Variants in VPS13D observed in about 807,000 individuals in gnomAD.
The protein encoded by VPS13D is intermembrane lipid transfer protein VPS13D.
Under a neutral mutation model 461.9 loss-of-function variants are expected in VPS13D, and 187 were observed. The observed-to-expected ratio is 0.40, with a 90% CI of 0.36 to 0.46. VPS13D has a LOEUF of 0.46. Among genes scored for constraint, VPS13D ranks in the 20% least tolerant of loss-of-function variants. The pLI is 0.60. For synonymous variants in VPS13D, 1,951 were observed against 1,986.3 expected, an observed-to-expected ratio of 0.98 and a Z score of 0.47; for missense variants, 4,711 against 5,364.9, an observed-to-expected ratio of 0.88 and a Z score of 3.81.
rs1482588143 is a variant in VPS13D at position 12,283,475 on chromosome 1, G to C, written c.5373G>C (p.Leu1791Phe). Residue 1791 changes from leucine (L) to phenylalanine (F), a missense_variant, in exon 21 of 70, where the codon TTG becomes TTC. Physicochemically the swap from Leu to Phe is conservative, Grantham distance 22. Around this residue, in one of 3 missense-constraint regions of VPS13D, gnomAD observed 4,411 missense variants for 4,937.8 expected, o/e 0.89. Transcript: ENST00000620676. Reference protein sequence around the residue: ...DDSLVHINIFLVDKKHPEFSS... With the variant: ...DDSLVHINIFFVDKKHPEFSS... ...CCTTAGTCCACATCAACATATTCTT[G>C]GTAGATAAGAAACATCCAGAATTCT... The C allele has an allele frequency of 1.2e-6, 2 of 1,614,062 alleles. No homozygotes were observed. The highest frequency in any genetic ancestry group is 4.5e-5 in the East Asian group (2 of 44,890).
intron 8 of VPS13D, 135 bp downstream of exon 8, chr1:12,256,638 G>A (rs976496016): frequency 7.9e-5 from 76 of 967,864 alleles, no homozygotes; most frequent in Non-Finnish European, 1.1e-4. Context: ...AGTTGTGTTA[G>A]GTATAAAACT....
chr1:12,399,324 G>T (rs1644542474), intron 60 of VPS13D, among the ~76,000 whole-genome samples: 4 of 151,230 alleles, frequency 2.6e-5, no homozygotes, highest in Admixed American at 2.6e-4. Context: ...AGCCTCCTGA[G>T]TAGCTGGGAT....
At position 12,386,432 on chromosome 1, in the gene VPS13D, A is replaced by T. The variant is rs961201078; in HGVS notation, c.11634+98A>T. The T allele has an allele frequency of 6.7e-6, 9 of 1,353,324 alleles. No homozygotes were observed. In the African/African-American group the frequency reaches 1.3e-4, roughly 20 times the overall value. The allele number at this position is 1,353,324 out of a possible 1,614,324, so 83.8% of individuals were successfully genotyped here. A position where few individuals can be genotyped will look rare whatever the true frequency, so the allele number is the denominator to read the frequency against. On this transcript the variant is annotated intron_variant, in intron 60 of 69. Coordinates refer to ENST00000620676, the MANE Select transcript of VPS13D (RefSeq NM_015378.4). ...TGTTCTAAGAACTTTAATGTTTTGG[A>T]GGAAATATCTTGTGGCCTTCAAAAA... is the stretch of plus-strand genomic sequence containing the variant.
At chr1:12,425,696 G>C (rs992903866) in intron 65 of VPS13D, among the ~76,000 whole-genome samples, 1 of 143,244 alleles carries the variant, frequency 7.0e-6, no homozygotes, top group Non-Finnish European at 1.5e-5. Flanking sequence ...AGGAAGGAAG[G>C]AAGGAAGGGA....
At chr1:12,296,352 T>C (rs1048650259) in intron 24 of VPS13D, among the ~76,000 whole-genome samples, 2 of 152,268 alleles carry the variant, frequency 1.3e-5, no homozygotes, top group African/African-American at 4.8e-5. Context: ...TTTTATTTGA[T>C]ATAAAATGAT....
chr1:12,369,911 G>C (rs1557738063), intron 54 of VPS13D, among the ~76,000 whole-genome samples: 1 of 152,150 alleles, frequency 6.6e-6, no homozygotes, highest in Non-Finnish European at 1.5e-5. Context: ...AAAGAGTCAA[G>C]ACCCTTCTTG....
chr1:12,255,882 T>TC (rs1640904727), intron 7 of VPS13D, among the ~76,000 whole-genome samples: 1 of 138,424 alleles, frequency 7.2e-6, no homozygotes. Flanking sequence ...AGAGCAAGAC[T>TC]CGTCTCAAAA....
chr1:12,457,556 C>G (rs1381488278), intron 66 of VPS13D, among the ~76,000 whole-genome samples: 2 of 152,218 alleles, frequency 1.3e-5, no homozygotes, highest in Non-Finnish European at 2.9e-5. Context: ...AAATTAAACT[C>G]TTTGTACCAG....
intron 63 of VPS13D, among the ~76,000 whole-genome samples, chr1:12,411,063 A>T (rs1410963800): frequency 6.6e-6 from 1 of 152,248 alleles, no homozygotes. Flanking sequence ...GATACCCATT[A>T]TCACCACTTC....
chr1:12,421,925 G>T (rs948871633), intron 65 of VPS13D, among the ~76,000 whole-genome samples: 3 of 152,050 alleles, frequency 2.0e-5, no homozygotes, highest in African/African-American at 7.2e-5. Context: ...GGGTTCAAGC[G>T]ATCCTCCCAC....
chr1:12,267,745 G>A lies in VPS13D; in HGVS notation c.1726-100G>A, dbSNP rs1641315816. 7 of 1,040,436 alleles carry A rather than the reference G, an allele frequency of 6.7e-6. No individual in the cohort carries two copies. In the South Asian group the frequency reaches 9.0e-5, roughly 13 times the overall value. 64.5% of individuals were successfully genotyped at this position (1,040,436 alleles called of 1,614,324 possible). On this transcript the variant is annotated intron_variant, in intron 14 of 69. Coordinates refer to ENST00000620676, the MANE Select transcript of VPS13D (RefSeq NM_015378.4). ...AGGTAAAGTGAGTTTTGATTTGATG[G>A]TGCTAAGGGAGTGTGTTGCTGAAGG... is the stretch of plus-strand genomic sequence containing the variant.
chr1:12,459,482 C>CTTTTTTTT (rs869264869), intron 66 of VPS13D, among the ~76,000 whole-genome samples: 2 of 131,356 alleles, frequency 1.5e-5, no homozygotes, highest in African/African-American at 2.8e-5. Context: ...CTTTTCTTTT[C>CTTTTTTTT]TTTTTTTTTT....
chr1:12,502,061 C>A lies in VPS13D; in HGVS notation c.12794+4430C>A, dbSNP rs185989490. ...TCCCAGGCCTGTTGCTGAAGGCTGACCTTAGTGGTCATGCCGAGGAGCTTG... is the reference window on the plus strand; with the variant it reads ...TCCCAGGCCTGTTGCTGAAGGCTGAACTTAGTGGTCATGCCGAGGAGCTTG... On this transcript the variant is annotated intron_variant, in intron 68 of 69. Transcript: ENST00000620676. The surrounding 1 kb of genome is among the most constrained non-coding windows in gnomAD (Gnocchi z 4.3). Among the ~76,000 whole-genome samples, 47 of 152,216 alleles carry A rather than the reference C, an allele frequency of 3.1e-4. No homozygotes were observed. The highest frequency in any genetic ancestry group is 1.1e-3 in the African/African-American group (45 of 41,550).
intron 65 of VPS13D, among the ~76,000 whole-genome samples, chr1:12,422,726 T>G (rs1644878780): frequency 6.6e-6 from 1 of 152,278 alleles, no homozygotes; most frequent in South Asian, 2.1e-4. Context: ...CATTGTCTTC[T>G]GTATGTTAAG....
rs374110813 is a variant in VPS13D, at chr1:12,321,940, T to C, written c.7680T>C (p.Ser2560=). 3.5e-5 allele frequency: 57 copies of C among 1,613,400 alleles called. No individual in the cohort carries two copies. Among genetic ancestry groups the C allele is most frequent in the Non-Finnish European group, 4.7e-5 (55 of 1,179,840 alleles). The change falls in exon 33 of 70, where the codon AGT becomes AGC. Residue 2560 remains serine, a synonymous_variant. Transcript: ENST00000620676. ...CAGGATTGATGGATGCATTCAATAG[T>C]GAAGATTTCCCACCTGTCCTGGAGG... ...NSSGLMDAFN[S]EDFPPVLEIQ...
At chr1:12,298,025 G>C (rs953361082) in intron 24 of VPS13D, among the ~76,000 whole-genome samples, 5 of 152,126 alleles carry the variant, frequency 3.3e-5, no homozygotes, top group Non-Finnish European at 7.4e-5. Flanking sequence ...TAAATACATA[G>C]CTGTGTGTAC....
At position 12,314,264 on chromosome 1, in the gene VPS13D, T is replaced by C; in HGVS notation, c.7085T>C (p.Ile2362Thr). 1 of 1,614,214 alleles carries C rather than the reference T, an allele frequency of 6.2e-7. No individual in the cohort carries two copies. The highest frequency in any genetic ancestry group is 8.5e-7 in the Non-Finnish European group (1 of 1,180,030). The change falls in exon 30 of 70, where the codon ATC (isoleucine) becomes ACC (threonine). Residue 2362 changes from isoleucine to threonine, a missense_variant. By Grantham distance (89) the Ile-to-Thr change is moderately conservative. Coordinates refer to ENST00000620676, the MANE Select transcript of VPS13D (RefSeq NM_015378.4). ...GGCATGACGAATGTGTTCAGCTGTA[T>C]CTTTCAGCCCGCTAAGAACAGCAGC... Reference protein sequence around the residue: ...SPGMTNVFSCIFQPAKNSSTT... With the variant: ...SPGMTNVFSCTFQPAKNSSTT...
At chr1:12,247,633 T>C (rs1448355528) in intron 5 of VPS13D, among the ~76,000 whole-genome samples, 1 of 152,154 alleles carries the variant, frequency 6.6e-6, no homozygotes. Context: ...ACTGAATATT[T>C]TTCCGTGTAT....
intron 65 of VPS13D, among the ~76,000 whole-genome samples, chr1:12,422,811 G>A (rs1043067423): frequency 3.3e-5 from 5 of 151,608 alleles, no homozygotes; most frequent in Non-Finnish European, 5.9e-5. Flanking sequence ...AGGTGACAGG[G>A]GTGGATCTGA....
Sources: gnomAD v4.1 joint callset for allele counts (sites outside exome capture counted in the v4.1 genomes callset) on GRCh38, gnomAD v4.1.1 for gene constraint, gnomAD v4.1.1 regional missense constraint, Gnocchi (gnomAD v3.1) non-coding constraint, MANE v1.5 for transcripts, NCBI Gene and HGNC (gene_info 2026-07-23, HGNC 2026-07-21) for gene names.